Variants in PTPRN2 observed in about 807,000 individuals in gnomAD.
The protein encoded by PTPRN2 is protein tyrosine phosphatase receptor type N2.
PTPRN2 carries 74 observed loss-of-function variants against 118.8 expected under a neutral mutation model. The observed-to-expected ratio is 0.62, with a 90% CI of 0.52 to 0.76. The LOEUF (loss-of-function observed/expected upper bound fraction) is 0.76. Among genes scored for constraint, PTPRN2 ranks in the 30% least tolerant of loss-of-function variants. PTPRN2 has a pLI of 0.00. For synonymous variants in PTPRN2, 641 were observed against 608.0 expected (o/e 1.05, Z -0.80); for missense variants, 1,481 against 1,394.4 (o/e 1.06, Z -0.99).
At chr7:158,417,197 G>A (rs1454785995) in intron 2 of PTPRN2, among the ~76,000 whole-genome samples, 2 of 151,996 alleles carry the variant, frequency 1.3e-5, no homozygotes, top group African/African-American at 4.8e-5. Context: ...TCCCTGCTGT[G>A]TTAAGTCACA....
intron 21 of PTPRN2, among the ~76,000 whole-genome samples, chr7:157,564,474 C>T (rs1287135399): frequency 1.3e-5 from 2 of 152,154 alleles, no homozygotes; most frequent in African/African-American, 4.8e-5. Context: ...GTAACAAAGA[C>T]ACTATCAAAA....
At chr7:157,908,279 A>C (rs779561399) in intron 11 of PTPRN2, among the ~76,000 whole-genome samples, 2 of 152,218 alleles carry the variant, frequency 1.3e-5, no homozygotes, top group Non-Finnish European at 2.9e-5. Flanking sequence ...CACTTCTGCC[A>C]TGCGAGCCTT....
At chr7:157,950,852 G>A (rs1343117293) in intron 11 of PTPRN2, among the ~76,000 whole-genome samples, 1 of 152,244 alleles carries the variant, frequency 6.6e-6, no homozygotes, top group Non-Finnish European at 1.5e-5. Flanking sequence ...AGACGCGGAA[G>A]TCAGGTGCAG....
chr7:158,419,363 G>A (rs62478442), intron 2 of PTPRN2, among the ~76,000 whole-genome samples: 66,309 of 152,166 alleles, frequency 0.44, 15,610 homozygotes, highest in East Asian at 0.76. Context: ...TCACCAGCAA[G>A]AATTCCGTCA....
chr7:157,714,684 G>T (rs113813023), intron 12 of PTPRN2, among the ~76,000 whole-genome samples: 2 of 152,344 alleles, frequency 1.3e-5, no homozygotes, highest in African/African-American at 4.8e-5. Context: ...GATCCCTGGG[G>T]AACGATGCCC....
rs1563391468 is a variant in PTPRN2, at chr7:158,071,458, AGGTGCTCG to A, written c.1723+9832_1723+9839del. Among the ~76,000 whole-genome samples, 6 of 89,336 alleles carry A rather than the reference AGGTGCTCG, an allele frequency of 6.7e-5. No individual in the cohort carries two copies. In the East Asian group the frequency reaches 1.4e-3, roughly 21 times the overall value. 58.6% of individuals were successfully genotyped at this position (89,336 alleles called of 152,430 possible). A position where few individuals can be genotyped will look rare whatever the true frequency, so the allele number is the denominator to read the frequency against. ...GTGGTGGTGGAGGTGCTCGTGGTTGAGGTGCTCGTGGTGGTGGAGGTTCTCATGGTGCA... is the reference window on the plus strand; with the variant it reads ...GTGGTGGTGGAGGTGCTCGTGGTTGATGGTGGTGGAGGTTCTCATGGTGCA... On this transcript the variant is annotated intron_variant, in intron 11 of 22. Transcript: ENST00000389418.
At chr7:157,620,197 G>C (rs1803068332) in intron 15 of PTPRN2, among the ~76,000 whole-genome samples, 1 of 152,170 alleles carries the variant, frequency 6.6e-6, no homozygotes, top group Non-Finnish European at 1.5e-5. Flanking sequence ...CTCCTGGCGG[G>C]TGGGTTTATA....
At chr7:157,681,613 G>C (rs897902744) in intron 13 of PTPRN2, among the ~76,000 whole-genome samples, 1 of 152,218 alleles carries the variant, frequency 6.6e-6, no homozygotes, top group Non-Finnish European at 1.5e-5. Context: ...TAAGCATAGA[G>C]ATTGTGTAAA....
At chr7:157,959,579 A>G (rs1288016143) in intron 11 of PTPRN2, among the ~76,000 whole-genome samples, 1 of 152,186 alleles carries the variant, frequency 6.6e-6, no homozygotes, top group African/African-American at 2.4e-5. Context: ...GAGTGAGCCC[A>G]TGGTGAGCTG....
Position 158,528,790 on chromosome 7 carries a change from C to T in PTPRN2, c.113-39005G>A, listed in dbSNP as rs535632490. On this transcript the variant is annotated intron_variant, in intron 1 of 22. Transcript: ENST00000389418. ...CTCCAGCCTGGGCAACAGAGCAAAA[C>T]TCCGTCTCAAAAACGGAAAAAAAAA... Among the ~76,000 whole-genome samples, 6 of 149,992 alleles carry T rather than the reference C, an allele frequency of 4.0e-5. No homozygotes were observed. The South Asian group carries it at 1.3e-3, about 32-fold the overall frequency.
chr7:157,810,425 G>C (rs974150863), intron 12 of PTPRN2, among the ~76,000 whole-genome samples: 1 of 151,858 alleles, frequency 6.6e-6, no homozygotes, highest in African/African-American at 2.4e-5. Context: ...CTGGGCACAG[G>C]CTCTCCACGG....
chr7:158,341,986 C>A, intron 2 of PTPRN2, among the ~76,000 whole-genome samples: 1 of 150,358 alleles, frequency 6.7e-6, no homozygotes. Context: ...CACACTCTCA[C>A]CATAAGAGGT....
chr7:158,266,372 A>G (rs1263588980), intron 3 of PTPRN2, among the ~76,000 whole-genome samples: 35 of 75,140 alleles, frequency 4.7e-4, no homozygotes, highest in South Asian at 1.2e-3. Context: ...GCTGCGGGGT[A>G]TTGTCTGGCA....
chr7:158,333,770 C>T lies in PTPRN2; in HGVS notation c.164-16838G>A, dbSNP rs555349547. On this transcript the variant is annotated intron_variant, in intron 2 of 22. Coordinates refer to ENST00000389418, the MANE Select transcript of PTPRN2 (RefSeq NM_002847.5). Reference sequence around the variant, plus strand: ...CACCATAAGAGCTGACACCCGCAGACATCACTCACACACACACTCTCACCA... The same window carrying T: ...CACCATAAGAGCTGACACCCGCAGATATCACTCACACACACACTCTCACCA... Among the ~76,000 whole-genome samples, 286 of 147,732 alleles carry T rather than the reference C, an allele frequency of 1.9e-3. 1 individual carries two copies. The highest frequency in any genetic ancestry group is 7.0e-3 in the African/African-American group (277 of 39,514).
intron 1 of PTPRN2, chr7:158,539,457 C>T (rs980237412): frequency 6.6e-6 from 1 of 152,372 alleles, no homozygotes; most frequent in Non-Finnish European, 1.5e-5. Context: ...AACATCTGAC[C>T]CTGGCCCAGC....
chr7:157,575,442 G>A (rs973944364), intron 19 of PTPRN2, among the ~76,000 whole-genome samples: 1 of 152,214 alleles, frequency 6.6e-6, no homozygotes, highest in Non-Finnish European at 1.5e-5. Context: ...GCAGGCAGGG[G>A]CCACTGAGTG....
chr7:158,246,044 A>G (rs1796227141), intron 3 of PTPRN2, among the ~76,000 whole-genome samples: 1 of 152,082 alleles, frequency 6.6e-6, no homozygotes. Context: ...TAAACACCGC[A>G]TGATGTTACC....
chr7:157,608,564 A>T (rs1388823380), intron 15 of PTPRN2, among the ~76,000 whole-genome samples: 1 of 152,028 alleles, frequency 6.6e-6, no homozygotes, highest in Non-Finnish European at 1.5e-5. Flanking sequence ...CTTACTTTTT[A>T]TGAGATGTTT....
At chr7:158,487,798 G>A (rs532209819) in intron 2 of PTPRN2, among the ~76,000 whole-genome samples, 1 of 152,048 alleles carries the variant, frequency 6.6e-6, no homozygotes, top group Non-Finnish European at 1.5e-5. Context: ...CGTCAGCCTC[G>A]CAAAGCGCAG....
Sources: allele counts gnomAD v4.1 joint callset (sites outside exome capture counted in the v4.1 genomes callset), GRCh38; gene constraint gnomAD v4.1.1; transcripts MANE v1.5; gene names NCBI Gene and HGNC (gene_info 2026-07-23, HGNC 2026-07-21).